SEPTIN7: variants seen among roughly 807,000 people sequenced by gnomAD.
SEPTIN7 encodes septin-7.
In SEPTIN7, 10 loss-of-function variants were observed where a neutral mutation model predicts 63.3. That is an observed-to-expected ratio of 0.16 (90% CI 0.10 to 0.27). The LOEUF (loss-of-function observed/expected upper bound fraction) is 0.27, where lower values mean the gene tolerates loss of function less well. Among genes scored for constraint, SEPTIN7 ranks in the 10% least tolerant of loss-of-function variants. SEPTIN7 has a pLI of 1.00. For synonymous variants in SEPTIN7, 131 were observed against 165.3 expected (o/e 0.79, Z 1.59); for missense variants, 310 against 521.0 (o/e 0.59, Z 3.94).
the SEPTIN7 span, among the ~76,000 whole-genome samples, chr7:35,912,626 G>A: frequency 6.6e-6 from 1 of 152,142 alleles, no homozygotes; most frequent in East Asian, 1.9e-4. Context: ...GCTGGTCTCG[G>A]CACTTCTCTT....
intron 10 of SEPTIN7, among the ~76,000 whole-genome samples, chr7:35,889,403 G>A (rs1315318858): frequency 6.6e-6 from 1 of 152,154 alleles, no homozygotes; most frequent in Non-Finnish European, 1.5e-5. Context: ...TCAGAGAATT[G>A]CATGGAAATG....
intron 3 of SEPTIN7, among the ~76,000 whole-genome samples, chr7:35,860,251 C>T (rs1245239618): frequency 6.6e-6 from 1 of 152,026 alleles, no homozygotes; most frequent in East Asian, 1.9e-4. Flanking sequence ...ACGTCCACTG[C>T]TCTGTCCCTC....
chr7:35,835,329 G>C (rs1784027050), intron 3 of SEPTIN7, among the ~76,000 whole-genome samples: 1 of 152,136 alleles, frequency 6.6e-6, no homozygotes, highest in Non-Finnish European at 1.5e-5. Context: ...GGAAATAATA[G>C]CCATCATTTA....
intron 1 of SEPTIN7, chr7:35,803,200 A>G (rs145180891): frequency 5.8e-6 from 5 of 866,556 alleles, no homozygotes; most frequent in East Asian, 1.2e-4. Context: ...TACATAATAC[A>G]TGAAAGGTAG....
chr7:35,886,580 T>G (rs1210715664), intron 10 of SEPTIN7, among the ~76,000 whole-genome samples: 2 of 152,316 alleles, frequency 1.3e-5, no homozygotes, highest in Middle Eastern at 3.4e-3. Flanking sequence ...TTGAGACACA[T>G]TCATTCCCCT....
At chr7:35,829,921 C>T (rs531228200) in intron 1 of SEPTIN7, among the ~76,000 whole-genome samples, 31 of 152,174 alleles carry the variant, frequency 2.0e-4, no homozygotes, top group African/African-American at 7.2e-4. Context: ...GGCTCGGTGG[C>T]TTACGCCTGT....
intron 3 of SEPTIN7, among the ~76,000 whole-genome samples, chr7:35,838,948 C>T (rs1463435461): frequency 6.6e-6 from 1 of 151,842 alleles, no homozygotes; most frequent in Non-Finnish European, 1.5e-5. Flanking sequence ...TCTTTCTTAC[C>T]CTTTGGTTTA....
At chr7:35,812,440 C>T (rs975974509) in intron 1 of SEPTIN7, among the ~76,000 whole-genome samples, 1 of 151,546 alleles carries the variant, frequency 6.6e-6, no homozygotes, top group African/African-American at 2.4e-5. Context: ...AATAATGCTA[C>T]AGACATGCAA....
intron 1 of SEPTIN7, among the ~76,000 whole-genome samples, chr7:35,805,897 A>G (rs1315142333): frequency 2.0e-5 from 3 of 152,144 alleles, no homozygotes; most frequent in African/African-American, 7.2e-5. Context: ...ACAACTGACT[A>G]CTTCTGGTAG....
At chr7:35,914,654 TC>T in the SEPTIN7 span, among the ~76,000 whole-genome samples, 3 of 111,284 alleles carry the variant, frequency 2.7e-5, no homozygotes, top group African/African-American at 5.5e-5. Context: ...TCTCTCTCTC[TC>T]TCTCTATATA....
At chr7:35,852,335 G>A (rs531810943) in intron 3 of SEPTIN7, among the ~76,000 whole-genome samples, 1 of 151,976 alleles carries the variant, frequency 6.6e-6, no homozygotes, top group South Asian at 2.1e-4. Context: ...AAGCTCTAAT[G>A]GACTACTATA....
intron 5 of SEPTIN7, 150 bp downstream of exon 5, chr7:35,872,916 A>T: frequency 1.7e-6 from 1 of 587,904 alleles, no homozygotes; most frequent in East Asian, 2.8e-5. Context: ...CAACTTTGCC[A>T]CTTATCTGAC....
intron 11 of SEPTIN7, among the ~76,000 whole-genome samples, chr7:35,895,175 C>A (rs1787886030): frequency 6.6e-6 from 1 of 151,938 alleles, no homozygotes; most frequent in Non-Finnish European, 1.5e-5. Flanking sequence ...AATGGTTTTT[C>A]CAGCCATTTA....
At chr7:35,910,342 G>A (rs1402575290), downstream of SEPTIN7, among the ~76,000 whole-genome samples, 1 of 152,158 alleles carries the variant, frequency 6.6e-6, no homozygotes, top group African/African-American at 2.4e-5. Flanking sequence ...CTGACTTTCT[G>A]GGTATTCTTG....
intron 1 of SEPTIN7, among the ~76,000 whole-genome samples, chr7:35,823,739 C>CT (rs1783352569): frequency 6.6e-6 from 1 of 152,232 alleles, no homozygotes; most frequent in Admixed American, 6.5e-5. Context: ...GATTTATGGT[C>CT]TTCAGCCTTA....
chr7:35,835,410 A>T (rs540673849), intron 3 of SEPTIN7, among the ~76,000 whole-genome samples: 7 of 152,308 alleles, frequency 4.6e-5, no homozygotes, highest in Non-Finnish European at 1.0e-4. Context: ...TACGATTCTT[A>T]CAACAGCCCT....
intron 3 of SEPTIN7, among the ~76,000 whole-genome samples, chr7:35,834,030 A>G (rs1180106552): frequency 6.6e-6 from 1 of 152,036 alleles, no homozygotes; most frequent in African/African-American, 2.4e-5. Context: ...GAAGTATGGT[A>G]TATCTAGCTT....
At chr7:35,878,058 G>A (rs140732659) in intron 6 of SEPTIN7, among the ~76,000 whole-genome samples, 21 of 152,222 alleles carry the variant, frequency 1.4e-4, no homozygotes, top group African/African-American at 2.6e-4. Context: ...TATTCTATGC[G>A]TATTGCTTGC....
At position 35,904,336 on chromosome 7, in the gene SEPTIN7, CCAG is replaced by C; in HGVS notation, c.*45_*47del. ...AGTTAACGTATTAGTTGCCAATATG[CCAG>C]CTTGGACATCAGTGTTTGTTGGATC... On this transcript the variant is annotated 3_prime_UTR_variant, in exon 14 of 14. Transcript: ENST00000350320. The C allele has an allele frequency of 2.0e-6, 3 of 1,472,812 alleles. No individual in the cohort carries two copies. Among genetic ancestry groups the C allele is most frequent in the Non-Finnish European group, 2.8e-6 (3 of 1,088,224 alleles). 91.2% of individuals were successfully genotyped at this position (1,472,812 alleles called of 1,614,324 possible).
Sources: allele counts gnomAD v4.1 joint callset (sites outside exome capture counted in the v4.1 genomes callset), GRCh38; gene constraint gnomAD v4.1.1; transcripts MANE v1.5; gene names NCBI Gene and HGNC (gene_info 2026-07-23, HGNC 2026-07-21).